TSPAN15: variants seen among roughly 807,000 people sequenced by gnomAD.
TSPAN15 encodes the protein tetraspanin 15.
TSPAN15 carries 20 observed loss-of-function variants against 34.5 expected under a neutral mutation model. That is an observed-to-expected ratio of 0.58 (90% CI 0.41 to 0.84). TSPAN15 has a LOEUF of 0.84. Among genes scored for constraint, TSPAN15 ranks in the 40% least tolerant of loss-of-function variants. TSPAN15 has a pLI of 0.00. For synonymous variants in TSPAN15, 155 were observed against 153.9 expected (o/e 1.01, Z -0.05); for missense variants, 313 against 386.1 (o/e 0.81, Z 1.59).
At chr10:69,527,830 G>A in the TSPAN15 span, among the ~76,000 whole-genome samples, 2 of 147,806 alleles carry the variant, frequency 1.4e-5, no homozygotes, top group African/African-American at 4.9e-5. Context: ...TTGGGACTGT[G>A]GGTGGGGATA....
rs1554830512 is a variant in TSPAN15, at chr10:69,455,547, T to TCTCTTC, written c.96+3857_96+3858insCTCTTC. Among the ~76,000 whole-genome samples the TCTCTTC allele has an allele frequency of 5.8e-4, 75 of 130,346 alleles. 1 individual carries two copies. The highest frequency in any genetic ancestry group is 9.7e-4 in the South Asian group (4 of 4,134). 85.5% of individuals were successfully genotyped at this position (130,346 alleles called of 152,430 possible). On this transcript the variant is annotated intron_variant, in intron 1 of 7. Coordinates refer to ENST00000373290, the MANE Select transcript of TSPAN15 (RefSeq NM_012339.5). ...CTCTTTCTTTCTCTTTCTTTCTTTC[T>TCTCTTC]TCTCTCTCTCTCTTTCTTTCTTTCT...
At chr10:69,513,106 A>G in the TSPAN15 span, among the ~76,000 whole-genome samples, 1 of 152,168 alleles carries the variant, frequency 6.6e-6, no homozygotes, top group African/African-American at 2.4e-5. Flanking sequence ...TGGTATGGCC[A>G]GTTTTTCTTA....
chr10:69,530,324 T>A, the TSPAN15 span, among the ~76,000 whole-genome samples: 1 of 147,892 alleles, frequency 6.8e-6, no homozygotes, highest in South Asian at 2.1e-4. Context: ...AACTGTTGAG[T>A]CCTTATCAAA....
chr10:69,515,014 TCAA>T, the TSPAN15 span, among the ~76,000 whole-genome samples: 1 of 152,238 alleles, frequency 6.6e-6, no homozygotes, highest in African/African-American at 2.4e-5. Context: ...ATTGCTCTCA[TCAA>T]CATCACCAGT....
At chr10:69,536,696 C>T in the TSPAN15 span, among the ~76,000 whole-genome samples, 16 of 152,144 alleles carry the variant, frequency 1.1e-4, no homozygotes, top group African/African-American at 2.6e-4. Context: ...ATAAGAACAC[C>T]GGTCCTGGTC....
chr10:69,494,187 A>C (rs1842028563), intron 3 of TSPAN15, among the ~76,000 whole-genome samples: 1 of 152,110 alleles, frequency 6.6e-6, no homozygotes, highest in Non-Finnish European at 1.5e-5. Context: ...GTTGGCCAGG[A>C]CTCGTGCCTC....
the TSPAN15 span, among the ~76,000 whole-genome samples, chr10:69,539,437 A>G: frequency 1.5e-5 from 2 of 133,526 alleles, 1 homozygote; most frequent in African/African-American, 6.1e-5. Context: ...AAGAAGAAGA[A>G]GAAGGAAGAA....
intron 3 of TSPAN15, among the ~76,000 whole-genome samples, chr10:69,490,593 C>T (rs976238603): frequency 6.6e-6 from 1 of 152,260 alleles, no homozygotes; most frequent in African/African-American, 2.4e-5. Context: ...TGGTAGTGGG[C>T]ATCTGTAATC....
At chr10:69,466,380 A>G (rs10823389) in intron 1 of TSPAN15, among the ~76,000 whole-genome samples, 60,570 of 151,902 alleles carry the variant, frequency 0.4, 12,588 homozygotes, top group Non-Finnish European at 0.45. Context: ...CCAGATCAGC[A>G]TCCCCCCGCT....
the TSPAN15 span, among the ~76,000 whole-genome samples, chr10:69,515,553 T>C: frequency 6.6e-6 from 1 of 152,158 alleles, no homozygotes; most frequent in African/African-American, 2.4e-5. Context: ...CAGACTAGCT[T>C]AGTAAGTTGC....
At chr10:69,523,389 C>A in the TSPAN15 span, 1 of 582,598 alleles carries the variant, frequency 1.7e-6, no homozygotes, top group East Asian at 6.1e-5. Context: ...GGTCTCCACC[C>A]CAAGCCTGGT....
At chr10:69,498,178 C>A in intron 4 of TSPAN15, 102 bp from the exon 5 acceptor site, 1 of 1,006,806 alleles carries the variant, frequency 9.9e-7, no homozygotes, top group Non-Finnish European at 1.6e-6. Flanking sequence ...CAGGGTGACC[C>A]ACATAATAAA....
At chr10:69,462,675 G>A (rs1841296546) in intron 1 of TSPAN15, among the ~76,000 whole-genome samples, 1 of 152,292 alleles carries the variant, frequency 6.6e-6, no homozygotes, top group East Asian at 1.9e-4. Flanking sequence ...ATTCTAACGT[G>A]CAGCTGGAGT....
intron 1 of TSPAN15, among the ~76,000 whole-genome samples, chr10:69,479,450 C>A (rs762085553): frequency 2.6e-5 from 4 of 152,234 alleles, no homozygotes; most frequent in Admixed American, 6.5e-5. Context: ...AAAGCCTGGG[C>A]TTTTGGGCTT....
chr10:69,538,486 A>G, the TSPAN15 span, among the ~76,000 whole-genome samples: 3 of 152,196 alleles, frequency 2.0e-5, no homozygotes, highest in Admixed American at 6.5e-5. Context: ...CACCTTCCCC[A>G]CTTACTAGCT....
chr10:69,457,424 C>T (rs1001728065), intron 1 of TSPAN15, among the ~76,000 whole-genome samples: 1 of 152,170 alleles, frequency 6.6e-6, no homozygotes, highest in African/African-American at 2.4e-5. Context: ...TACGGACTCT[C>T]CACAGAGCAC....
chr10:69,545,179 C>T, the TSPAN15 span, among the ~76,000 whole-genome samples: 1 of 152,184 alleles, frequency 6.6e-6, no homozygotes, highest in East Asian at 1.9e-4. Context: ...TCCTCACTCC[C>T]CCTTTACCCC....
chr10:69,484,050 C>T (rs1841796312), intron 2 of TSPAN15, 174 bp downstream of exon 2: 2 of 567,524 alleles, frequency 3.5e-6, no homozygotes, highest in Non-Finnish European at 6.0e-6. Context: ...AGGCCACCTC[C>T]CCTCCTGCAT....
chr10:69,517,679 C>G, the TSPAN15 span, among the ~76,000 whole-genome samples: 1 of 152,176 alleles, frequency 6.6e-6, no homozygotes, highest in Admixed American at 6.5e-5. Context: ...GGACTCACAC[C>G]CGGAGGGGAA....
Sources: gnomAD v4.1 joint callset for allele counts (sites outside exome capture counted in the v4.1 genomes callset) on GRCh38, gnomAD v4.1.1 for gene constraint, MANE v1.5 for transcripts, NCBI Gene and HGNC (gene_info 2026-07-23, HGNC 2026-07-21) for gene names.